Variants in STXBP5L observed in about 807,000 individuals in gnomAD.
STXBP5L encodes syntaxin binding protein 5L.
A neutral mutation model predicts 144.5 loss-of-function variants in STXBP5L; 65 were observed. That is an observed-to-expected ratio of 0.45 (90% CI 0.37 to 0.55). The LOEUF (loss-of-function observed/expected upper bound fraction) is 0.55, where lower values mean the gene tolerates loss of function less well. STXBP5L is among the 20% of genes least tolerant of loss of function. STXBP5L has a pLI of 0.00. For synonymous variants in STXBP5L, 505 were observed against 469.6 expected (o/e 1.08, Z -0.97); for missense variants, 1,298 against 1,405.5 (o/e 0.92, Z 1.22).
chr3:121,016,674 G>A (rs1039345296), intron 3 of STXBP5L, among the ~76,000 whole-genome samples: 1 of 152,168 alleles, frequency 6.6e-6, no homozygotes, highest in African/African-American at 2.4e-5. Flanking sequence ...AGAAGAAAGA[G>A]TGAGCAAAAC....
intron 19 of STXBP5L, among the ~76,000 whole-genome samples, chr3:121,289,420 A>G (rs1169069891): frequency 6.6e-6 from 1 of 152,194 alleles, no homozygotes; most frequent in Admixed American, 6.5e-5. Context: ...TACTAGACCT[A>G]AGAAATGAGA....
Position 121,347,623 on chromosome 3 carries a change from T to A in STXBP5L, c.2176+29083T>A, listed in dbSNP as rs574900199. Among the ~76,000 whole-genome samples the A allele has an allele frequency of 2.7e-3, 406 of 152,340 alleles. 1 individual carries two copies. The highest frequency in any genetic ancestry group is 9.1e-3 in the African/African-American group (378 of 41,588). ...TGTTCTTCCATTTCTTTGTATCCTC[T>A]TTTATTTTCTTGAGCAGTCATTTGT... On this transcript the variant is annotated intron_variant, in intron 20 of 26. Coordinates refer to ENST00000471454, the MANE Select transcript of STXBP5L (RefSeq NM_001308330.2).
intron 5 of STXBP5L, among the ~76,000 whole-genome samples, chr3:121,081,409 T>G (rs908446090): frequency 6.6e-6 from 1 of 152,182 alleles, no homozygotes; most frequent in South Asian, 2.1e-4. Context: ...CTTTAATGTT[T>G]GTAGTTTATT....
chr3:121,238,820 T>C, intron 12 of STXBP5L, 151 bp from the exon 13 acceptor site: 1 of 734,942 alleles, frequency 1.4e-6, no homozygotes, highest in Non-Finnish European at 2.0e-6. Context: ...AAAAAGAGCA[T>C]TTTTGTTCAT....
rs905672779 is a variant in STXBP5L at position 121,115,158 on chromosome 3, A to G, written c.605+99A>G. On this transcript the variant is annotated intron_variant, in intron 6 of 26. Transcript: ENST00000471454. ...CAGTTATTTGATACGTCTATTACTA[A>G]TTTATAATGAATTTGAGTGAAAAGT... is the stretch of plus-strand genomic sequence containing the variant. 9.4e-6 allele frequency: 11 copies of G among 1,167,748 alleles called. No individual in the cohort carries two copies. In the African/African-American group the frequency reaches 1.6e-4, roughly 17 times the overall value. 72.3% of individuals were successfully genotyped at this position (1,167,748 alleles called of 1,614,324 possible). A position where few individuals can be genotyped will look rare whatever the true frequency, so the allele number is the denominator to read the frequency against.
At chr3:120,985,259 G>A (rs941303807) in intron 3 of STXBP5L, among the ~76,000 whole-genome samples, 2 of 151,990 alleles carry the variant, frequency 1.3e-5, no homozygotes, top group Non-Finnish European at 2.9e-5. Context: ...TTAAATGTTT[G>A]TTATAATTCC....
At chr3:121,069,633 A>T (rs1289817367) in intron 5 of STXBP5L, among the ~76,000 whole-genome samples, 1 of 151,990 alleles carries the variant, frequency 6.6e-6, no homozygotes, top group Non-Finnish European at 1.5e-5. Context: ...TAGTTTCTCC[A>T]TATACTAACT....
intron 20 of STXBP5L, among the ~76,000 whole-genome samples, chr3:121,336,553 G>A (rs1015219429): frequency 6.6e-6 from 1 of 151,624 alleles, no homozygotes; most frequent in Non-Finnish European, 1.5e-5. Flanking sequence ...TCCACAAGGA[G>A]ATATTATCTC....
At chr3:121,285,833 A>G (rs901757558) in intron 19 of STXBP5L, among the ~76,000 whole-genome samples, 8 of 152,110 alleles carry the variant, frequency 5.3e-5, no homozygotes, top group Admixed American at 2.0e-4. Context: ...AGAGAGTTGT[A>G]GAACTTTTCT....
chr3:121,321,876 G>A (rs1490168851), intron 20 of STXBP5L, among the ~76,000 whole-genome samples: 1 of 152,048 alleles, frequency 6.6e-6, no homozygotes, highest in African/African-American at 2.4e-5. Context: ...TTTAGATTCA[G>A]GGGTTACAAG....
chr3:120,951,497 C>T (rs1477351034), intron 2 of STXBP5L, among the ~76,000 whole-genome samples: 22 of 151,824 alleles, frequency 1.4e-4, no homozygotes, highest in African/African-American at 5.1e-4. Flanking sequence ...GGGCGAAGGA[C>T]ATGAACAGAC....
At chr3:120,992,343 A>T (rs1942982479) in intron 3 of STXBP5L, among the ~76,000 whole-genome samples, 1 of 152,108 alleles carries the variant, frequency 6.6e-6, no homozygotes, top group Admixed American at 6.6e-5. Context: ...AATATAAAAC[A>T]ACATTGTTTT....
chr3:121,374,373 T>C (rs1249712590), intron 20 of STXBP5L, among the ~76,000 whole-genome samples: 1 of 152,040 alleles, frequency 6.6e-6, no homozygotes, highest in Non-Finnish European at 1.5e-5. Context: ...TGTGGAAATA[T>C]CAATGTAAGG....
intron 22 of STXBP5L, among the ~76,000 whole-genome samples, chr3:121,390,777 T>C (rs2046562659): frequency 6.6e-6 from 1 of 152,206 alleles, no homozygotes; most frequent in Admixed American, 6.5e-5. Flanking sequence ...GGGCTTCCAT[T>C]TGTGGGTAAC....
In STXBP5L at chr3:121,372,141, A is replaced by T. The variant is rs151239555; in HGVS notation, c.2177-6575A>T. Among the ~76,000 whole-genome samples, 41 of 152,256 alleles carry T rather than the reference A, an allele frequency of 2.7e-4. 1 individual carries two copies. In the East Asian group the frequency reaches 7.0e-3, roughly 26 times the overall value. On this transcript the variant is annotated intron_variant, in intron 20 of 26. Coordinates refer to ENST00000471454, the MANE Select transcript of STXBP5L (RefSeq NM_001308330.2). ...CTGGAGCACTCTGCCAGTCAGGCACAGTCCACCAGCACAGGAGCTATGATA... is the reference window on the plus strand; with the variant it reads ...CTGGAGCACTCTGCCAGTCAGGCACTGTCCACCAGCACAGGAGCTATGATA...
intron 3 of STXBP5L, among the ~76,000 whole-genome samples, chr3:121,006,144 C>T (rs1362445597): frequency 2.0e-5 from 3 of 152,062 alleles, no homozygotes; most frequent in Admixed American, 6.6e-5. Context: ...CTAATGTTGA[C>T]AGTGGGGTGT....
At chr3:121,153,425 A>T (rs999351476) in intron 8 of STXBP5L, among the ~76,000 whole-genome samples, 1 of 152,030 alleles carries the variant, frequency 6.6e-6, no homozygotes, top group Non-Finnish European at 1.5e-5. Flanking sequence ...TCAAAAATTT[A>T]TGTCCAGTAA....
At chr3:121,399,761 C>T (rs1330435805) in intron 22 of STXBP5L, among the ~76,000 whole-genome samples, 2 of 152,214 alleles carry the variant, frequency 1.3e-5, no homozygotes, top group East Asian at 1.9e-4. Context: ...AAACCCACAA[C>T]CTTCCAGCGT....
intron 3 of STXBP5L, among the ~76,000 whole-genome samples, chr3:120,990,144 G>A (rs556578401): frequency 1.3e-4 from 19 of 151,998 alleles, no homozygotes; most frequent in South Asian, 1.2e-3. Context: ...AAAAATCACA[G>A]GCATTCTTAT....
Sources: gnomAD v4.1 joint callset for allele counts (sites outside exome capture counted in the v4.1 genomes callset) on GRCh38, gnomAD v4.1.1 for gene constraint, MANE v1.5 for transcripts, NCBI Gene and HGNC (gene_info 2026-07-23, HGNC 2026-07-21) for gene names.